LBH: variants seen among roughly 807,000 people sequenced by gnomAD.
The protein encoded by LBH is LBH regulator of Wnt signaling pathway.
LBH carries 7 observed loss-of-function variants against 12.5 expected under a neutral mutation model. That is an observed-to-expected ratio of 0.56 (90% CI 0.32 to 1.05). LBH has a LOEUF of 1.05. LBH is among the 50% of genes least tolerant of loss of function. The pLI, the probability that LBH is intolerant of heterozygous loss-of-function variation, is 0.04. For synonymous variants in LBH, 51 were observed against 50.1 expected, an observed-to-expected ratio of 1.02 and a Z score of -0.08; for missense variants, 119 against 138.9, an observed-to-expected ratio of 0.86 and a Z score of 0.72.
At chr2:30,251,024 C>T (rs1468509667) in intron 2 of LBH, among the ~76,000 whole-genome samples, 2 of 149,852 alleles carry the variant, frequency 1.3e-5, no homozygotes, top group Non-Finnish European at 3.0e-5. Flanking sequence ...CTTTAGCCAC[C>T]ATTCTTATTT....
At chr2:30,232,320 C>T in intron 1 of LBH, 2 of 1,334,598 alleles carry the variant, frequency 1.5e-6, no homozygotes, top group Non-Finnish European at 9.9e-7. Context: ...GCCTCTCAAC[C>T]CCTGCCCTCT....
intron 2 of LBH, among the ~76,000 whole-genome samples, chr2:30,239,870 C>T (rs947608981): frequency 3.1e-4 from 47 of 152,346 alleles, no homozygotes; most frequent in African/African-American, 1.1e-3. Flanking sequence ...CTACACTACC[C>T]TGCAGAGGGC....
chr2:30,236,165 G>A (rs184914793), intron 2 of LBH, among the ~76,000 whole-genome samples: 4 of 152,320 alleles, frequency 2.6e-5, no homozygotes, highest in Non-Finnish European at 5.9e-5. Context: ...TCTTGTGTGT[G>A]CTTTTCATAT....
At chr2:30,236,107 G>A (rs1677684657) in intron 2 of LBH, among the ~76,000 whole-genome samples, 1 of 152,194 alleles carries the variant, frequency 6.6e-6, no homozygotes, top group Admixed American at 6.5e-5. Context: ...TCGGTTCTGG[G>A]TTTTAGATTT....
At chr2:30,241,439 C>CTATTTT (rs1002763655) in intron 2 of LBH, among the ~76,000 whole-genome samples, 3 of 146,854 alleles carry the variant, frequency 2.0e-5, no homozygotes, top group African/African-American at 7.5e-5. Flanking sequence ...TATGGAATTT[C>CTATTTT]TATTTTTATT....
chr2:30,251,385 G>A (rs372129803), intron 2 of LBH, among the ~76,000 whole-genome samples: 3 of 152,014 alleles, frequency 2.0e-5, no homozygotes, highest in Non-Finnish European at 2.9e-5. Flanking sequence ...TTCCTGCTAC[G>A]AAGCCTTGAA....
intron 2 of LBH, 61 bp from the exon 3 acceptor site, chr2:30,257,372 G>A: frequency 1.3e-6 from 2 of 1,573,592 alleles, no homozygotes; most frequent in South Asian, 2.2e-5. Flanking sequence ...TGCAAAGAAG[G>A]AATGGAATTT....
chr2:30,233,977 C>T (rs750903226), intron 1 of LBH, among the ~76,000 whole-genome samples: 5 of 152,166 alleles, frequency 3.3e-5, no homozygotes, highest in Admixed American at 1.3e-4. Flanking sequence ...TAGAGTTCCC[C>T]TTTGGAAAGT....
intron 2 of LBH, among the ~76,000 whole-genome samples, chr2:30,251,842 T>A (rs1313796266): frequency 1.3e-5 from 2 of 152,164 alleles, no homozygotes; most frequent in Non-Finnish European, 2.9e-5. Flanking sequence ...AGTATGAGGA[T>A]GATGAAGGCA....
intron 2 of LBH, among the ~76,000 whole-genome samples, chr2:30,236,989 T>C (rs1454837252): frequency 6.6e-6 from 1 of 152,194 alleles, no homozygotes; most frequent in East Asian, 1.9e-4. Flanking sequence ...GTGACAGATA[T>C]TCTCCGGGCC....
intron 2 of LBH, among the ~76,000 whole-genome samples, chr2:30,247,432 G>C (rs537471084): frequency 1.3e-5 from 2 of 152,200 alleles, no homozygotes; most frequent in Non-Finnish European, 2.9e-5. Context: ...ATTTTCACTT[G>C]AAAGCTCTAT....
In LBH at chr2:30,231,727, C is replaced by A; in HGVS notation, c.-12C>A. The A allele has an allele frequency of 1.9e-6, 3 of 1,589,724 alleles. No homozygotes were observed. Among genetic ancestry groups the A allele is most frequent in the Non-Finnish European group, 2.6e-6 (3 of 1,168,402 alleles). ...AATCACAGGGGCGTGTGTCAGCCTGCCCTAGGACTTCATGTCTATATATTT... is the reference window on the plus strand; with the variant it reads ...AATCACAGGGGCGTGTGTCAGCCTGACCTAGGACTTCATGTCTATATATTT... On this transcript the variant is annotated 5_prime_UTR_variant, in exon 1 of 3. Transcript: ENST00000395323.
intron 2 of LBH, among the ~76,000 whole-genome samples, chr2:30,243,359 T>A (rs1343176974): frequency 6.6e-6 from 1 of 152,162 alleles, no homozygotes; most frequent in African/African-American, 2.4e-5. Context: ...TGTGTAAACC[T>A]TGAAGAAGAC....
In LBH at chr2:30,258,322, G is replaced by C. The variant is rs1190188037; in HGVS notation, c.*701G>C. Reference sequence around the variant, plus strand: ...CCCCATTCTACTCCATGGCCTCTCTGCTCCCAGCTGTGGTAGGCTCACATA... The same window carrying C: ...CCCCATTCTACTCCATGGCCTCTCTCCTCCCAGCTGTGGTAGGCTCACATA... On this transcript the variant is annotated 3_prime_UTR_variant, in exon 3 of 3. Transcript: ENST00000395323. 1 of 152,280 alleles carries C rather than the reference G, an allele frequency of 6.6e-6. No individual in the cohort carries two copies. Among genetic ancestry groups the C allele is most frequent in the Non-Finnish European group, 1.5e-5 (1 of 68,144 alleles). 9.4% of individuals were successfully genotyped at this position (152,280 alleles called of 1,614,324 possible). A position where few individuals can be genotyped will look rare whatever the true frequency, so the allele number is the denominator to read the frequency against.
intron 2 of LBH, among the ~76,000 whole-genome samples, chr2:30,253,080 G>A (rs776113596): frequency 5.9e-5 from 9 of 152,212 alleles, no homozygotes; most frequent in Non-Finnish European, 1.2e-4. Context: ...GCAGCATGCC[G>A]GCCTGGCCTG....
intron 1 of LBH, among the ~76,000 whole-genome samples, 179 bp downstream of exon 1, chr2:30,231,943 A>AG (rs565218640): frequency 0.046 from 2,773 of 60,346 alleles, 51 homozygotes; most frequent in Non-Finnish European, 0.062. Context: ...GGGTGGGGGG[A>AG]GGGGGTGCTG....
chr2:30,252,369 C>T (rs1345019809), intron 2 of LBH, among the ~76,000 whole-genome samples: 1 of 152,160 alleles, frequency 6.6e-6, no homozygotes, highest in Non-Finnish European at 1.5e-5. Context: ...GCAATTAAAC[C>T]TCTTTCCTTT....
intron 2 of LBH, among the ~76,000 whole-genome samples, chr2:30,248,939 T>C (rs1179659940): frequency 6.6e-6 from 1 of 152,234 alleles, no homozygotes; most frequent in Non-Finnish European, 1.5e-5. Context: ...GAAGGAGGTC[T>C]AGCAGTTGTT....
chr2:30,239,752 T>G (rs1247632949), intron 2 of LBH, among the ~76,000 whole-genome samples: 1 of 152,224 alleles, frequency 6.6e-6, no homozygotes, highest in Non-Finnish European at 1.5e-5. Flanking sequence ...GTAATGTGTT[T>G]CTCTGAGTGG....
Sources: gnomAD v4.1 joint callset for allele counts (sites outside exome capture counted in the v4.1 genomes callset) on GRCh38, gnomAD v4.1.1 for gene constraint, MANE v1.5 for transcripts, NCBI Gene and HGNC (gene_info 2026-07-23, HGNC 2026-07-21) for gene names.